The following IPO11 variants were observed in gnomAD, a reference collection of about 807,000 sequenced individuals.
The protein encoded by IPO11 is importin-11.
In IPO11, 66 loss-of-function variants were observed where a neutral mutation model predicts 143.2. The ratio of observed to expected loss-of-function variants is 0.46; its 90% CI spans 0.38 to 0.57. The LOEUF (loss-of-function observed/expected upper bound fraction) is 0.57. IPO11 is among the 20% of genes least tolerant of loss of function. The pLI is 0.00. For synonymous variants in IPO11, 385 were observed against 377.8 expected, an observed-to-expected ratio of 1.02 and a Z score of -0.22; for missense variants, 1,026 against 1,141.0, an observed-to-expected ratio of 0.90 and a Z score of 1.45.
chr5:62,414,551 G>C (rs1442184737), intron 1 of IPO11, among the ~76,000 whole-genome samples: 1 of 152,182 alleles, frequency 6.6e-6, no homozygotes, highest in Non-Finnish European at 1.5e-5. Context: ...TCTGTAGTGT[G>C]TTTGGTTTGC....
intron 26 of IPO11, among the ~76,000 whole-genome samples, chr5:62,557,431 C>T (rs778728200): frequency 5.3e-5 from 8 of 152,198 alleles, no homozygotes; most frequent in Non-Finnish European, 1.2e-4. Context: ...GATCCACCCG[C>T]CTCGGCCTCC....
intron 26 of IPO11, among the ~76,000 whole-genome samples, chr5:62,559,440 A>G (rs1042655135): frequency 1.3e-5 from 2 of 152,150 alleles, no homozygotes; most frequent in Non-Finnish European, 2.9e-5. Context: ...AATTTCTGTC[A>G]CAATTGGAGT....
chr5:62,515,641 G>T (rs544297580), intron 20 of IPO11, 140 bp downstream of exon 20: 60 of 557,562 alleles, frequency 1.1e-4, no homozygotes, highest in Non-Finnish European at 1.7e-4. Context: ...TTCCATGTGT[G>T]ATCTAAACCG....
chr5:62,612,833 T>C (rs1327399636), intron 29 of IPO11, among the ~76,000 whole-genome samples: 1 of 152,246 alleles, frequency 6.6e-6, no homozygotes, highest in Non-Finnish European at 1.5e-5. Context: ...TGAGATTGTT[T>C]CCATTTTTCA....
chr5:62,422,191 A>C (rs1310229308), intron 1 of IPO11, among the ~76,000 whole-genome samples: 2 of 152,076 alleles, frequency 1.3e-5, no homozygotes, highest in African/African-American at 4.8e-5. Flanking sequence ...CAGTGACACC[A>C]TCTTGGCTCA....
chr5:62,581,207 A>T, intron 27 of IPO11: 9 of 1,550,950 alleles, frequency 5.8e-6, no homozygotes, highest in Non-Finnish European at 7.0e-6. Context: ...ACTTCCCCAA[A>T]TTCTCTAGAA....
chr5:62,611,303 C>T (rs551051722), intron 29 of IPO11, among the ~76,000 whole-genome samples: 2 of 152,222 alleles, frequency 1.3e-5, no homozygotes, highest in African/African-American at 4.8e-5. Context: ...AATAATCCAA[C>T]TGAGATGCAA....
chr5:62,535,522 A>C (rs1045068167), intron 22 of IPO11, among the ~76,000 whole-genome samples: 3 of 152,186 alleles, frequency 2.0e-5, no homozygotes, highest in Non-Finnish European at 4.4e-5. Context: ...TTTTGTAAAA[A>C]GATACTTAGA....
At chr5:62,526,328 T>A (rs1214459383) in intron 21 of IPO11, 71 bp downstream of exon 21, 3 of 1,087,680 alleles carry the variant, frequency 2.8e-6, no homozygotes, top group African/African-American at 3.1e-5. Flanking sequence ...GCCAGTAAAG[T>A]TAAGGTCATG....
chr5:62,435,555 G>A (rs911173287), intron 1 of IPO11, among the ~76,000 whole-genome samples: 3 of 151,970 alleles, frequency 2.0e-5, no homozygotes, highest in Non-Finnish European at 4.4e-5. Context: ...ACGTCACTGT[G>A]TTACAGCCTG....
chr5:62,445,417 T>C, intron 3 of IPO11, among the ~76,000 whole-genome samples: 1 of 152,170 alleles, frequency 6.6e-6, no homozygotes, highest in Admixed American at 6.5e-5. Flanking sequence ...TTGTTAAAGA[T>C]GTGAATTTTC....
chr5:62,420,305 A>G (rs1390933357), intron 1 of IPO11, among the ~76,000 whole-genome samples: 2 of 151,910 alleles, frequency 1.3e-5, no homozygotes, highest in African/African-American at 4.8e-5. Flanking sequence ...AAAAAAAAAA[A>G]AAAAAGTATA....
At chr5:62,607,179 A>G (rs1180802391) in intron 29 of IPO11, among the ~76,000 whole-genome samples, 2 of 152,022 alleles carry the variant, frequency 1.3e-5, no homozygotes, top group East Asian at 3.9e-4. Context: ...TTACTCATCA[A>G]CTCTGAAAAC....
chr5:62,522,627 G>A (rs1742241070), intron 20 of IPO11, among the ~76,000 whole-genome samples: 1 of 152,128 alleles, frequency 6.6e-6, no homozygotes, highest in African/African-American at 2.4e-5. Flanking sequence ...GTTGGGTTTT[G>A]TAGGAGAATG....
intron 27 of IPO11, among the ~76,000 whole-genome samples, chr5:62,565,317 T>A (rs1438769243): frequency 1.3e-5 from 2 of 152,020 alleles, no homozygotes; most frequent in Non-Finnish European, 2.9e-5. Context: ...TGAAATCTCA[T>A]CTCTACTAAA....
At chr5:62,544,487 C>T (rs1392801785) in intron 24 of IPO11, among the ~76,000 whole-genome samples, 1 of 152,124 alleles carries the variant, frequency 6.6e-6, no homozygotes, top group Non-Finnish European at 1.5e-5. Flanking sequence ...AACCCACAGC[C>T]AATATCATAC....
At chr5:62,558,765 T>C (rs1002039680) in intron 26 of IPO11, among the ~76,000 whole-genome samples, 14 of 152,176 alleles carry the variant, frequency 9.2e-5, no homozygotes, top group Non-Finnish European at 2.1e-4. Flanking sequence ...GAATAAAATA[T>C]TTAATAAAAA....
chr5:62,431,196 C>T (rs1743974070), intron 1 of IPO11, among the ~76,000 whole-genome samples: 2 of 152,048 alleles, frequency 1.3e-5, no homozygotes, highest in South Asian at 4.2e-4. Flanking sequence ...CCAGGCTGGT[C>T]TTGAACTCCT....
At chr5:62,415,311 C>T (rs1743253127) in intron 1 of IPO11, among the ~76,000 whole-genome samples, 1 of 150,262 alleles carries the variant, frequency 6.7e-6, no homozygotes, top group East Asian at 2.0e-4. Context: ...TTACAGGTGC[C>T]TGCCACCAAG....
Sources: allele counts gnomAD v4.1 joint callset (sites outside exome capture counted in the v4.1 genomes callset), GRCh38; gene constraint gnomAD v4.1.1; transcripts MANE v1.5; gene names NCBI Gene and HGNC (gene_info 2026-07-23, HGNC 2026-07-21).